The following SPAG16 variants were observed in gnomAD, a reference collection of about 807,000 sequenced individuals.
The protein encoded by SPAG16 is sperm-associated antigen 16 protein.
A neutral mutation model predicts 80.4 loss-of-function variants in SPAG16; 86 were observed. The observed-to-expected ratio is 1.07, with a 90% confidence interval of 0.90 to 1.28. The LOEUF (loss-of-function observed/expected upper bound fraction) is 1.28. Ranked by LOEUF, SPAG16 falls within the 50% of genes most tolerant of loss-of-function variation. The pLI is 0.00. For synonymous variants in SPAG16, 294 were observed against 265.9 expected, an observed-to-expected ratio of 1.11 and a Z score of -1.03; for missense variants, 870 against 765.3, an observed-to-expected ratio of 1.14 and a Z score of -1.61.
intron 15 of SPAG16, among the ~76,000 whole-genome samples, chr2:214,389,873 G>T (rs1200027641): frequency 6.6e-6 from 1 of 152,142 alleles, no homozygotes; most frequent in African/African-American, 2.4e-5. Flanking sequence ...ACATTCTTCA[G>T]TTAGGGCATT....
chr2:214,156,880 C>T (rs537673563), intron 15 of SPAG16, among the ~76,000 whole-genome samples: 1 of 152,244 alleles, frequency 6.6e-6, no homozygotes, highest in Non-Finnish European at 1.5e-5. Context: ...TAAGGCAGAT[C>T]CAAACTAAGA....
At chr2:214,132,966 C>G (rs902630051) in intron 14 of SPAG16, among the ~76,000 whole-genome samples, 1 of 152,014 alleles carries the variant, frequency 6.6e-6, no homozygotes, top group African/African-American at 2.4e-5. Context: ...GTGGCAGACG[C>G]CTGTAATCCC....
intron 15 of SPAG16, among the ~76,000 whole-genome samples, chr2:214,315,625 A>G (rs930041057): frequency 2.0e-5 from 3 of 152,088 alleles, no homozygotes; most frequent in Admixed American, 2.0e-4. Flanking sequence ...TTGAACTGCC[A>G]GGCTCAGGTG....
intron 15 of SPAG16, among the ~76,000 whole-genome samples, chr2:214,157,438 C>G (rs2056264348): frequency 6.6e-6 from 1 of 151,974 alleles, no homozygotes; most frequent in African/African-American, 2.4e-5. Flanking sequence ...TTGATTTTGT[C>G]TTCTTATCCC....
chr2:213,528,979 G>T (rs1372246672), intron 10 of SPAG16, among the ~76,000 whole-genome samples: 1 of 152,112 alleles, frequency 6.6e-6, no homozygotes, highest in Non-Finnish European at 1.5e-5. Context: ...AGAATTTTAT[G>T]TAACATGATA....
intron 10 of SPAG16, among the ~76,000 whole-genome samples, chr2:213,542,195 G>A (rs192286692): frequency 3.0e-4 from 45 of 152,102 alleles, no homozygotes; most frequent in African/African-American, 8.2e-4. Flanking sequence ...TTGCTATTAT[G>A]TAATTTAAAT....
chr2:213,705,890 CCCATATGGGATTTATGCAAATT>C (rs1403217775), intron 10 of SPAG16, among the ~76,000 whole-genome samples: 6 of 152,112 alleles, frequency 3.9e-5, no homozygotes, highest in African/African-American at 1.2e-4. Context: ...TTATGCAAAT[CCCATATGGGATTTATGCAAATT>C]CCATACGCTT....
intron 11 of SPAG16, among the ~76,000 whole-genome samples, chr2:213,865,090 A>G (rs1223816877): frequency 6.6e-6 from 1 of 152,056 alleles, no homozygotes; most frequent in Non-Finnish European, 1.5e-5. Flanking sequence ...TCTGTCAAGT[A>G]AACAAAATTT....
intron 15 of SPAG16, among the ~76,000 whole-genome samples, chr2:214,155,962 C>T (rs2056195140): frequency 4.6e-5 from 7 of 152,106 alleles, no homozygotes; most frequent in Admixed American, 3.3e-4. Context: ...AGACTAAAAT[C>T]TGTAAGTTTA....
chr2:213,318,922 A>G (rs752791982), intron 5 of SPAG16, among the ~76,000 whole-genome samples: 1 of 151,948 alleles, frequency 6.6e-6, no homozygotes, highest in Non-Finnish European at 1.5e-5. Context: ...CCTGGCATAA[A>G]TTTATTCATA....
chr2:214,034,645 C>T (rs1306203769), intron 13 of SPAG16, among the ~76,000 whole-genome samples: 2 of 152,228 alleles, frequency 1.3e-5, no homozygotes, highest in Non-Finnish European at 2.9e-5. Flanking sequence ...CAGGTGCTGG[C>T]TCCCTGTGAG....
intron 11 of SPAG16, among the ~76,000 whole-genome samples, chr2:213,887,328 A>T (rs918271316): frequency 6.6e-6 from 1 of 151,604 alleles, no homozygotes; most frequent in Non-Finnish European, 1.5e-5. Flanking sequence ...CAGTTCCTCC[A>T]TTGTTTTTTC....
intron 13 of SPAG16, among the ~76,000 whole-genome samples, chr2:214,027,666 G>T (rs2048205561): frequency 6.6e-6 from 1 of 151,798 alleles, no homozygotes; most frequent in African/African-American, 2.4e-5. Context: ...AGTTAGAGAA[G>T]ATAAAATTAT....
intron 5 of SPAG16, among the ~76,000 whole-genome samples, chr2:213,324,572 C>T (rs975477159): frequency 2.6e-5 from 4 of 152,032 alleles, no homozygotes; most frequent in African/African-American, 7.2e-5. Flanking sequence ...ATTATTTTTG[C>T]CTGTATCAGT....
chr2:213,681,432 T>C (rs949037493), intron 10 of SPAG16, among the ~76,000 whole-genome samples: 2 of 152,166 alleles, frequency 1.3e-5, no homozygotes, highest in African/African-American at 4.8e-5. Flanking sequence ...ATGTTTCTCT[T>C]GAGAGTCTTG....
chr2:214,193,138 A>G (rs1377467922), intron 15 of SPAG16, among the ~76,000 whole-genome samples: 1 of 152,050 alleles, frequency 6.6e-6, no homozygotes, highest in Non-Finnish European at 1.5e-5. Flanking sequence ...ACTGGTATAG[A>G]GGGTGAGGCA....
In SPAG16 at chr2:214,081,907, A is replaced by G. The variant is rs1183150031; in HGVS notation, c.1528-26289A>G. Among the ~76,000 whole-genome samples the G allele has an allele frequency of 9.2e-5, 14 of 151,458 alleles. No homozygotes were observed. The East Asian group carries it at 2.3e-3, about 25-fold the overall frequency. The stretch of plus-strand genomic sequence containing the variant: ...GATTCAGGGAAAGAGGGTGGGGCAA[A>G]TTGTGACCATCTCTGCCTAAATCAT... On this transcript the variant is annotated intron_variant, in intron 13 of 15. Transcript: ENST00000331683.
At chr2:214,039,439 G>A (rs1017614171) in intron 13 of SPAG16, among the ~76,000 whole-genome samples, 2 of 152,144 alleles carry the variant, frequency 1.3e-5, no homozygotes, top group South Asian at 4.1e-4. Flanking sequence ...CAAAAGCCAA[G>A]ATTGACAAAT....
intron 9 of SPAG16, among the ~76,000 whole-genome samples, chr2:213,481,202 G>A (rs1371159442): frequency 6.6e-6 from 1 of 152,068 alleles, no homozygotes; most frequent in African/African-American, 2.4e-5. Context: ...GTTGAGAGAG[G>A]TATAATCTAA....
Sources: gnomAD v4.1 joint callset for allele counts (sites outside exome capture counted in the v4.1 genomes callset) on GRCh38, gnomAD v4.1.1 for gene constraint, MANE v1.5 for transcripts, NCBI Gene and HGNC (gene_info 2026-07-23, HGNC 2026-07-21) for gene names.